Variants in THSD7A observed in about 807,000 individuals in gnomAD.
THSD7A encodes the protein thrombospondin type 1 domain containing 7A, also known as thrombospondin type-1 domain-containing protein 7A.
THSD7A carries 96 observed loss-of-function variants against 231.3 expected under a neutral mutation model. That is an observed-to-expected ratio of 0.41 (90% CI 0.35 to 0.49). THSD7A has a LOEUF of 0.49. THSD7A is among the 20% of genes least tolerant of loss of function. The probability of loss-of-function intolerance (pLI) is 0.05; values close to 1 mark genes in which losing one functional copy is unlikely to be tolerated. For synonymous variants in THSD7A, 940 were observed against 743.3 expected (o/e 1.26, Z -4.30); for missense variants, 2,290 against 2,070.2 (o/e 1.11, Z -2.06).
chr7:11,574,725 C>T (rs1790812026), intron 4 of THSD7A, among the ~76,000 whole-genome samples: 1 of 152,008 alleles, frequency 6.6e-6, no homozygotes. Context: ...CGTGAGCCAC[C>T]GCGCCCGGCC....
intron 1 of THSD7A, among the ~76,000 whole-genome samples, chr7:11,700,859 CA>C (rs35608426): frequency 0.15 from 22,055 of 150,220 alleles, 1,739 homozygotes; most frequent in Admixed American, 0.19. Context: ...CTTCATAAGG[CA>C]AAAAAAATTG....
At chr7:11,642,994 A>G (rs1356035370) in intron 1 of THSD7A, among the ~76,000 whole-genome samples, 2 of 152,118 alleles carry the variant, frequency 1.3e-5, no homozygotes, top group Non-Finnish European at 2.9e-5. Context: ...TTGAGTCTAT[A>G]AAAGGCCACA....
intron 6 of THSD7A, among the ~76,000 whole-genome samples, chr7:11,517,901 C>T (rs908668664): frequency 1.1e-3 from 174 of 152,078 alleles, no homozygotes; most frequent in Non-Finnish European, 1.6e-4. Context: ...TCCGGACCAC[C>T]CATGTGGAGA....
At chr7:11,736,453 CTGTGTGTGTGTGTG>C (rs61483307) in intron 1 of THSD7A, among the ~76,000 whole-genome samples, 1 of 143,528 alleles carries the variant, frequency 7.0e-6, no homozygotes, top group Non-Finnish European at 1.5e-5. Context: ...ACAGCAGACT[CTGTGTGTGTGTGTG>C]TGTGTGTGTG....
chr7:11,827,068 G>C (rs1305154528), intron 1 of THSD7A, among the ~76,000 whole-genome samples: 1 of 152,030 alleles, frequency 6.6e-6, no homozygotes, highest in African/African-American at 2.4e-5. Context: ...CAATGGTGTA[G>C]TCATGGTTGA....
At chr7:11,484,515 C>T (rs555652403) in intron 6 of THSD7A, among the ~76,000 whole-genome samples, 5 of 152,200 alleles carry the variant, frequency 3.3e-5, no homozygotes, top group African/African-American at 1.2e-4. Context: ...TTTTAATCAC[C>T]ACTAGAAACT....
chr7:11,599,189 A>G (rs1329479214), intron 2 of THSD7A, among the ~76,000 whole-genome samples: 2 of 152,142 alleles, frequency 1.3e-5, no homozygotes, highest in Non-Finnish European at 2.9e-5. Context: ...TCTTAGTATT[A>G]CCATGCCCTG....
At chr7:11,379,797 C>G in intron 24 of THSD7A, 85 bp from the exon 25 acceptor site, 1 of 1,385,626 alleles carries the variant, frequency 7.2e-7, no homozygotes, top group Non-Finnish European at 1.0e-6. Context: ...GTCTTTGAAT[C>G]TTGAACCACC....
At chr7:11,460,348 C>T (rs1785458842) in intron 11 of THSD7A, among the ~76,000 whole-genome samples, 1 of 150,510 alleles carries the variant, frequency 6.6e-6, no homozygotes, top group Non-Finnish European at 1.5e-5. Context: ...ATACCGTAAT[C>T]TAAAAACAAA....
chr7:11,497,638 C>T (rs1434036036), intron 6 of THSD7A, among the ~76,000 whole-genome samples: 1 of 152,104 alleles, frequency 6.6e-6, no homozygotes, highest in Non-Finnish European at 1.5e-5. Context: ...AAATGTTTAT[C>T]TTAAGAATAA....
chr7:11,577,484 T>C (rs939329317), intron 4 of THSD7A, among the ~76,000 whole-genome samples: 2 of 151,886 alleles, frequency 1.3e-5, no homozygotes, highest in African/African-American at 4.8e-5. Context: ...ACCCAGCTAA[T>C]TTTTGTATTT....
At chr7:11,454,032 T>A (rs1025430150) in intron 11 of THSD7A, among the ~76,000 whole-genome samples, 2 of 152,030 alleles carry the variant, frequency 1.3e-5, no homozygotes, top group Admixed American at 1.3e-4. Flanking sequence ...GAGGTTACAG[T>A]TCTATTCAAA....
At chr7:11,617,199 G>A (rs1781136968) in intron 2 of THSD7A, among the ~76,000 whole-genome samples, 1 of 152,108 alleles carries the variant, frequency 6.6e-6, no homozygotes, top group African/African-American at 2.4e-5. Context: ...ATAAGCTTAT[G>A]TTCTCAACAT....
At chr7:11,570,906 G>A (rs1490789398) in intron 4 of THSD7A, among the ~76,000 whole-genome samples, 2 of 152,160 alleles carry the variant, frequency 1.3e-5, no homozygotes, top group Non-Finnish European at 2.9e-5. Flanking sequence ...CCAAAACAAG[G>A]TATGTGGTAT....
At chr7:11,416,188 T>A (rs957254121) in intron 17 of THSD7A, among the ~76,000 whole-genome samples, 14 of 152,190 alleles carry the variant, frequency 9.2e-5, no homozygotes, top group Non-Finnish European at 1.6e-4. Context: ...CTTTTATAAA[T>A]AATAGAGCCT....
chr7:11,574,652 G>A (rs892388209), intron 4 of THSD7A, among the ~76,000 whole-genome samples: 63 of 151,370 alleles, frequency 4.2e-4, no homozygotes, highest in African/African-American at 1.3e-3. Context: ...TAGCCAGGAT[G>A]GTCTCGATCT....
intron 6 of THSD7A, among the ~76,000 whole-genome samples, chr7:11,484,378 A>C (rs1003384619): frequency 6.6e-6 from 1 of 152,112 alleles, no homozygotes; most frequent in African/African-American, 2.4e-5. Flanking sequence ...CTTTGTATGA[A>C]AATTTCAGGT....
intron 6 of THSD7A, among the ~76,000 whole-genome samples, chr7:11,508,373 C>A (rs1358397668): frequency 6.6e-6 from 1 of 151,816 alleles, no homozygotes; most frequent in Admixed American, 6.6e-5. Flanking sequence ...AATGAGATAC[C>A]ACTTCATACC....
At chr7:11,800,613 T>A (rs555216835) in intron 1 of THSD7A, among the ~76,000 whole-genome samples, 1 of 152,252 alleles carries the variant, frequency 6.6e-6, no homozygotes, top group South Asian at 2.1e-4. Context: ...TTATGCTAAG[T>A]GAAATAAGCC....
Sources: allele counts gnomAD v4.1 joint callset (sites outside exome capture counted in the v4.1 genomes callset), GRCh38; gene constraint gnomAD v4.1.1; transcripts MANE v1.5; gene names NCBI Gene and HGNC (gene_info 2026-07-23, HGNC 2026-07-21).